The following HOOK3 variants were observed in gnomAD, a reference collection of about 807,000 sequenced individuals.
The protein encoded by HOOK3 is hook microtubule tethering protein 3.
Under a neutral mutation model 116.3 loss-of-function variants are expected in HOOK3, and 24 were observed. The ratio of observed to expected loss-of-function variants is 0.21; its 90% CI spans 0.15 to 0.29. The LOEUF (loss-of-function observed/expected upper bound fraction) is 0.29, where lower values mean the gene tolerates loss of function less well. HOOK3 is among the 10% of genes least tolerant of loss of function. HOOK3 has a pLI of 1.00. For missense variants in HOOK3, 632 were observed against 830.2 expected (o/e 0.76, Z 2.93); for synonymous variants, 275 against 283.0 (o/e 0.97, Z 0.28).
intron 6 of HOOK3, among the ~76,000 whole-genome samples, chr8:42,951,652 A>G (rs1479938547): frequency 6.6e-6 from 1 of 152,096 alleles, no homozygotes; most frequent in Non-Finnish European, 1.5e-5. Flanking sequence ...AGAAAAATAC[A>G]GAAGACAGGC....
intron 3 of HOOK3, 39 bp downstream of exon 3, chr8:42,925,668 G>T: frequency 1.5e-6 from 2 of 1,343,448 alleles, no homozygotes; most frequent in South Asian, 1.2e-5. Flanking sequence ...TTAAATATTT[G>T]TATGTGTATA....
At chr8:42,928,228 A>C (rs1374104758) in intron 3 of HOOK3, among the ~76,000 whole-genome samples, 1 of 151,486 alleles carries the variant, frequency 6.6e-6, no homozygotes, top group Non-Finnish European at 1.5e-5. Context: ...GCAGTGAGCC[A>C]AGATGGCGCC....
At chr8:42,939,909 A>G (rs1274860377) in intron 4 of HOOK3, among the ~76,000 whole-genome samples, 1 of 149,404 alleles carries the variant, frequency 6.7e-6, no homozygotes, top group Non-Finnish European at 1.5e-5. Flanking sequence ...GACACTCCTC[A>G]CTTCCTAGAT....
intron 15 of HOOK3, among the ~76,000 whole-genome samples, chr8:42,992,974 G>A (rs1460908861): frequency 1.3e-5 from 2 of 151,822 alleles, no homozygotes; most frequent in African/African-American, 2.4e-5. Context: ...ATTATGTTGA[G>A]GTATGTTCCT....
chr8:43,002,300 A>G (rs1019595365), intron 17 of HOOK3, among the ~76,000 whole-genome samples, 159 bp downstream of exon 17: 3 of 152,188 alleles, frequency 2.0e-5, no homozygotes, highest in African/African-American at 7.2e-5. Context: ...CTTCTCCCCA[A>G]GGTTCTCAGG....
chr8:42,996,804 A>G (rs904976934), intron 15 of HOOK3, among the ~76,000 whole-genome samples: 7 of 148,576 alleles, frequency 4.7e-5, no homozygotes, highest in African/African-American at 7.5e-5. Flanking sequence ...ATATGCATCT[A>G]TGTACTACTT....
At chr8:42,898,295 A>T (rs957047130) in intron 1 of HOOK3, among the ~76,000 whole-genome samples, 1 of 152,246 alleles carries the variant, frequency 6.6e-6, no homozygotes, top group African/African-American at 2.4e-5. Context: ...CAGACTTGGT[A>T]GAGCTTGAGT....
intron 21 of HOOK3, among the ~76,000 whole-genome samples, chr8:43,016,748 A>G (rs923165091): frequency 1.3e-5 from 2 of 152,242 alleles, no homozygotes; most frequent in East Asian, 3.8e-4. Context: ...TTACCAATAA[A>G]TATTTGTCAA....
chr8:43,006,687 T>C (rs539965190), intron 17 of HOOK3, among the ~76,000 whole-genome samples: 5 of 152,334 alleles, frequency 3.3e-5, no homozygotes, highest in East Asian at 1.9e-4. Context: ...TTAACTGTTA[T>C]ATTGTATATG....
intron 2 of HOOK3, among the ~76,000 whole-genome samples, chr8:42,924,744 G>A (rs1807729502): frequency 6.6e-6 from 1 of 152,118 alleles, no homozygotes; most frequent in Non-Finnish European, 1.5e-5. Flanking sequence ...AGGCCGAGGT[G>A]GACGAATCAC....
chr8:42,914,946 A>T (rs893506503), intron 2 of HOOK3, among the ~76,000 whole-genome samples: 1 of 152,064 alleles, frequency 6.6e-6, no homozygotes, highest in African/African-American at 2.4e-5. Flanking sequence ...GGAACCTGAA[A>T]CCCCATCATT....
chr8:43,005,345 C>T (rs926393529), intron 17 of HOOK3, among the ~76,000 whole-genome samples: 7 of 151,444 alleles, frequency 4.6e-5, no homozygotes, highest in Non-Finnish European at 8.8e-5. Flanking sequence ...CTCAGCCTCC[C>T]GAGTAGCTAG....
chr8:42,981,708 A>T (rs1808947672), intron 13 of HOOK3, among the ~76,000 whole-genome samples: 1 of 150,738 alleles, frequency 6.6e-6, no homozygotes, highest in Non-Finnish European at 1.5e-5. Flanking sequence ...ACATGGTGAA[A>T]CCCCATCTCT....
intron 19 of HOOK3, among the ~76,000 whole-genome samples, chr8:43,012,538 A>T (rs1188020239): frequency 6.6e-6 from 1 of 152,220 alleles, no homozygotes; most frequent in Admixed American, 6.5e-5. Flanking sequence ...TGTTTGTACA[A>T]ATATTATGTA....
At chr8:42,935,127 T>G (rs1038873986) in intron 4 of HOOK3, among the ~76,000 whole-genome samples, 2 of 152,382 alleles carry the variant, frequency 1.3e-5, no homozygotes, top group South Asian at 2.1e-4. Flanking sequence ...TTGATTTGCA[T>G]TTCTCTAATG....
chr8:42,957,179 T>A (rs1016326338), intron 7 of HOOK3, 23 bp downstream of exon 7: 20 of 1,471,980 alleles, frequency 1.4e-5, no homozygotes, highest in Non-Finnish European at 1.9e-5. Context: ...ACATTGTTTT[T>A]ATTCATGAAA....
chr8:42,902,119 C>T (rs762043753), intron 1 of HOOK3, among the ~76,000 whole-genome samples: 4 of 152,158 alleles, frequency 2.6e-5, no homozygotes, highest in Non-Finnish European at 4.4e-5. Flanking sequence ...CCTTCCCTTT[C>T]ATAGTGCTTT....
intron 14 of HOOK3, among the ~76,000 whole-genome samples, chr8:42,984,737 G>A (rs913376138): frequency 6.6e-6 from 1 of 152,024 alleles, no homozygotes; most frequent in Non-Finnish European, 1.5e-5. Flanking sequence ...CCCTGTCACT[G>A]CTAAAAATAC....
At position 43,017,092 on chromosome 8, in the gene HOOK3, T is replaced by C. The variant is rs528140402; in HGVS notation, c.2017-1266T>C. On this transcript the variant is annotated intron_variant, in intron 21 of 21. Coordinates refer to ENST00000307602, the MANE Select transcript of HOOK3 (RefSeq NM_032410.4). Reference sequence around the variant, plus strand: ...GCTAGTGATGTATCTTCCAGCCTTCTGTCTTCTGCACATCCTTCATTGCAT... The same window carrying C: ...GCTAGTGATGTATCTTCCAGCCTTCCGTCTTCTGCACATCCTTCATTGCAT... 2.0e-5 allele frequency among the ~76,000 whole-genome samples: 3 copies of C among 152,352 alleles called. No individual in the cohort carries two copies. In the South Asian group the frequency reaches 6.2e-4, roughly 32 times the overall value.
Sources: gnomAD v4.1 joint callset for allele counts (sites outside exome capture counted in the v4.1 genomes callset) on GRCh38, gnomAD v4.1.1 for gene constraint, MANE v1.5 for transcripts, NCBI Gene and HGNC (gene_info 2026-07-23, HGNC 2026-07-21) for gene names.